BAZ2B: variants seen among roughly 807,000 people sequenced by gnomAD.
The protein encoded by BAZ2B is bromodomain adjacent to zinc finger domain 2B, also known as bromodomain adjacent to zinc finger domain protein 2B.
In BAZ2B, 91 loss-of-function variants were observed where a neutral mutation model predicts 246.0. The observed-to-expected ratio is 0.37, with a 90% CI of 0.31 to 0.44. The LOEUF (loss-of-function observed/expected upper bound fraction) is 0.44, where lower values mean the gene tolerates loss of function less well. BAZ2B is among the 20% of genes least tolerant of loss of function. The pLI is 1.00. For missense variants in BAZ2B, 2,332 were observed against 2,533.7 expected (o/e 0.92, Z 1.71); for synonymous variants, 855 against 860.0 (o/e 0.99, Z 0.10).
intron 1 of BAZ2B, among the ~76,000 whole-genome samples, chr2:159,590,661 A>C (rs765762471): frequency 6.6e-6 from 1 of 152,202 alleles, no homozygotes; most frequent in Non-Finnish European, 1.5e-5. Flanking sequence ...TTAAGGCAAC[A>C]ATCAGTGAAA....
intron 1 of BAZ2B, among the ~76,000 whole-genome samples, chr2:159,584,524 T>A (rs945154127): frequency 6.6e-6 from 1 of 152,206 alleles, no homozygotes; most frequent in Non-Finnish European, 1.5e-5. Context: ...CAAGAAATGA[T>A]TGTAACCTGG....
chr2:159,331,300 A>T (rs753809700), intron 34 of BAZ2B, among the ~76,000 whole-genome samples: 2 of 152,200 alleles, frequency 1.3e-5, no homozygotes, highest in Non-Finnish European at 2.9e-5. Context: ...ATAAGTTGAG[A>T]ATGAAGATGG....
At chr2:159,666,290 C>T in the BAZ2B span, among the ~76,000 whole-genome samples, 3 of 141,756 alleles carry the variant, frequency 2.1e-5, no homozygotes, top group East Asian at 2.0e-4. Context: ...GACAGGGTCT[C>T]GCTCTGTCGC....
chr2:159,605,753 C>G (rs1466692002), intron 1 of BAZ2B, among the ~76,000 whole-genome samples: 1 of 152,074 alleles, frequency 6.6e-6, no homozygotes, highest in Non-Finnish European at 1.5e-5. Context: ...AATTTAAAAA[C>G]AGTAAACTTC....
rs997046297 is a variant in BAZ2B, at chr2:159,446,810, T to C, written c.668A>G (p.Asp223Gly). Reference protein sequence around the residue: ...NQEQSKNQPLDARVDKIKDKK... With the variant: ...NQEQSKNQPLGARVDKIKDKK... ...ATCTTTGATTTTGTCAACTCTAGCA[T>C]CCAAAGGCTGGTTTTTGCTTTGTTC... is the stretch of plus-strand genomic sequence containing the variant. Residue 223 changes from aspartate to glycine, a missense_variant, in exon 6 of 37, where the codon GAT becomes GGT. Asp to Gly is a moderately conservative substitution (Grantham distance 94, BLOSUM62 -1). Around this residue, in one of 9 missense-constraint regions of BAZ2B, gnomAD observed 161 missense variants for 225.8 expected, o/e 0.71. Transcript: ENST00000392783. The C allele has an allele frequency of 1.9e-6, 3 of 1,611,668 alleles. No homozygotes were observed. The highest frequency in any genetic ancestry group is 1.7e-6 in the Non-Finnish European group (2 of 1,178,846).
chr2:159,582,787 T>C (rs2151642665), intron 1 of BAZ2B, among the ~76,000 whole-genome samples: 1 of 152,348 alleles, frequency 6.6e-6, no homozygotes, highest in East Asian at 1.9e-4. Context: ...ATCTCCAGGT[T>C]ACTGAATTAA....
At chr2:159,652,734 C>T in the BAZ2B span, among the ~76,000 whole-genome samples, 17 of 152,158 alleles carry the variant, frequency 1.1e-4, no homozygotes, top group East Asian at 1.9e-4. Flanking sequence ...CCTCCTGCCT[C>T]GGCCTCCCAA....
At chr2:159,587,081 CTTT>C (rs879641658) in intron 1 of BAZ2B, among the ~76,000 whole-genome samples, 1 of 143,990 alleles carries the variant, frequency 6.9e-6, no homozygotes, top group African/African-American at 2.5e-5. Context: ...TCACCTGCAA[CTTT>C]TTTTTTTTTT....
intron 25 of BAZ2B, among the ~76,000 whole-genome samples, chr2:159,376,480 C>G (rs2061427207): frequency 6.6e-6 from 1 of 152,078 alleles, no homozygotes; most frequent in African/African-American, 2.4e-5. Context: ...CTTAGGGAAC[C>G]CAGTTACAAA....
At chr2:159,494,232 C>T (rs1041259288) in intron 2 of BAZ2B, among the ~76,000 whole-genome samples, 11 of 152,030 alleles carry the variant, frequency 7.2e-5, no homozygotes, top group Non-Finnish European at 1.6e-4. Context: ...CGGGTCATAA[C>T]CCATTCAAGG....
intron 1 of BAZ2B, among the ~76,000 whole-genome samples, chr2:159,582,744 A>G (rs756242350): frequency 1.3e-5 from 2 of 152,232 alleles, no homozygotes; most frequent in Non-Finnish European, 2.9e-5. Context: ...TTTTATAAAT[A>G]TGAAATTTAA....
chr2:159,556,159 C>A (rs2089096431), intron 1 of BAZ2B, among the ~76,000 whole-genome samples: 1 of 152,120 alleles, frequency 6.6e-6, no homozygotes, highest in Admixed American at 6.5e-5. Context: ...ATTTGGGTTA[C>A]AAGTTTTATT....
At chr2:159,367,008 C>T (rs1326588389) in intron 27 of BAZ2B, among the ~76,000 whole-genome samples, 4 of 152,116 alleles carry the variant, frequency 2.6e-5, no homozygotes, top group Non-Finnish European at 4.4e-5. Flanking sequence ...CATCAGCAAA[C>T]CTGCTTAGCC....
chr2:159,409,226 A>G (rs1356773368), intron 14 of BAZ2B, among the ~76,000 whole-genome samples: 1 of 152,194 alleles, frequency 6.6e-6, no homozygotes, highest in Non-Finnish European at 1.5e-5. Flanking sequence ...ATTTTTAAAC[A>G]TTTTGACATC....
At chr2:159,690,291 C>T in the BAZ2B span, 1 of 292,414 alleles carries the variant, frequency 3.4e-6, no homozygotes, top group African/African-American at 2.3e-5. Context: ...TGCCACCTTT[C>T]ATAAGGCGCT....
At chr2:159,348,430 T>C (rs540733975) in intron 30 of BAZ2B, among the ~76,000 whole-genome samples, 9 of 151,784 alleles carry the variant, frequency 5.9e-5, no homozygotes, top group African/African-American at 2.2e-4. Context: ...TGAGACAATG[T>C]AGATGCTATG....
intron 13 of BAZ2B, among the ~76,000 whole-genome samples, chr2:159,422,834 ACT>A (rs973682690): frequency 1.3e-5 from 2 of 152,160 alleles, no homozygotes; most frequent in Non-Finnish European, 2.9e-5. Flanking sequence ...CAATATCTAG[ACT>A]CTGTAAGAAA....
At chr2:159,452,902 C>G (rs1236779144) in intron 4 of BAZ2B, among the ~76,000 whole-genome samples, 1 of 152,140 alleles carries the variant, frequency 6.6e-6, no homozygotes, top group African/African-American at 2.4e-5. Flanking sequence ...GAGTTCAAGA[C>G]CAGCCTGGCC....
intron 13 of BAZ2B, among the ~76,000 whole-genome samples, chr2:159,415,305 C>T (rs764271877): frequency 4.6e-5 from 7 of 151,848 alleles, no homozygotes; most frequent in Non-Finnish European, 7.4e-5. Flanking sequence ...ATTAGCCGGG[C>T]GTGGTGGTGT....
Sources: allele counts gnomAD v4.1 joint callset (sites outside exome capture counted in the v4.1 genomes callset), GRCh38; gene constraint gnomAD v4.1.1; regional missense constraint gnomAD v4.1.1; transcripts MANE v1.5; gene names NCBI Gene and HGNC (gene_info 2026-07-23, HGNC 2026-07-21).